The following RBFOX1 variants were observed in gnomAD, a reference collection of about 807,000 sequenced individuals.
The protein encoded by RBFOX1 is RNA binding fox-1 homolog 1.
Under a neutral mutation model 57.7 loss-of-function variants are expected in RBFOX1, and 8 were observed. That is an observed-to-expected ratio of 0.14 (90% CI 0.08 to 0.25). The LOEUF (loss-of-function observed/expected upper bound fraction) is 0.25, where lower values mean the gene tolerates loss of function less well. Ranked by LOEUF, RBFOX1 falls within the 10% of genes least tolerant of loss-of-function variation. The pLI is 1.00. For missense variants in RBFOX1, 611 were observed against 548.5 expected, an observed-to-expected ratio of 1.11 and a Z score of -1.14; for synonymous variants, 326 against 222.4, an observed-to-expected ratio of 1.47 and a Z score of -4.15.
chr16:6,904,979 C>A (rs996030087), intron 3 of RBFOX1, among the ~76,000 whole-genome samples: 1 of 152,144 alleles, frequency 6.6e-6, no homozygotes, highest in Non-Finnish European at 1.5e-5. Flanking sequence ...CCCTGGCAGC[C>A]AGTCTGTCAG....
chr16:7,698,914 A>G (rs1407036872), intron 14 of RBFOX1, among the ~76,000 whole-genome samples: 5 of 152,206 alleles, frequency 3.3e-5, no homozygotes, highest in African/African-American at 1.2e-4. Context: ...AAAGATGTCT[A>G]GATAGTCTGA....
chr16:5,500,532 C>G lies in RBFOX1; in HGVS notation c.258+33278C>G, dbSNP rs1385252768. Among the ~76,000 whole-genome samples the G allele has an allele frequency of 2.0e-5, 3 of 152,126 alleles. No individual in the cohort carries two copies. The East Asian group carries it at 5.8e-4, about 29-fold the overall frequency. On this transcript the variant is annotated intron_variant, in intron 2 of 2. Coordinates refer to the RBFOX1 transcript ENST00000585867. ...CCATCATGCCTGGCCGAGTATCAGG[C>G]TTTCAAATGTTTATATGCAGCTGCT...
At chr16:7,211,246 G>C (rs113832930) in intron 4 of RBFOX1, among the ~76,000 whole-genome samples, 2,096 of 151,868 alleles carry the variant, frequency 0.014, 41 homozygotes, top group African/African-American at 0.048. Context: ...AAAGAAATTA[G>C]CCAGGTGTGG....
intron 3 of RBFOX1, among the ~76,000 whole-genome samples, chr16:5,692,389 G>T (rs1238470556): frequency 6.6e-6 from 1 of 152,068 alleles, no homozygotes; most frequent in Non-Finnish European, 1.5e-5. Flanking sequence ...GCGGACCTCA[G>T]TCACACAGCT....
chr16:6,659,739 C>G (rs2098689359), intron 3 of RBFOX1, among the ~76,000 whole-genome samples: 1 of 152,146 alleles, frequency 6.6e-6, no homozygotes, highest in Non-Finnish European at 1.5e-5. Context: ...GAGGATTCTT[C>G]ACAGTGTTTA....
intron 4 of RBFOX1, among the ~76,000 whole-genome samples, chr16:7,475,384 G>A (rs1156514049): frequency 2.0e-5 from 3 of 150,132 alleles, no homozygotes; most frequent in East Asian, 2.0e-4. Context: ...GCGCGATCTC[G>A]GCTCACTGCA....
At position 6,009,816 on chromosome 16, in the gene RBFOX1, C is replaced by CTGTGTGTGTGTGTGTGTGTGTG. The variant is rs148472437; in HGVS notation, c.351+142500_351+142501insGTGTGTGTGTGTGTGTGTGTGT. On this transcript the variant is annotated intron_variant, in intron 4 of 19. Coordinates refer to the RBFOX1 transcript ENST00000641259. ...GCAGTGTGTGTATGTGTGTGTGTGT[C>CTGTGTGTGTGTGTGTGTGTGTG]TGTGTGTGTGTGTGTGTGTATAGGG... is the stretch of plus-strand genomic sequence containing the variant. 4.4e-3 allele frequency among the ~76,000 whole-genome samples: 647 copies of CTGTGTGTGTGTGTGTGTGTGTG among 148,512 alleles called. 15 individuals carry two copies. Among genetic ancestry groups the CTGTGTGTGTGTGTGTGTGTGTG allele is most frequent in the African/African-American group, 0.013 (534 of 39,872 alleles).
intron 4 of RBFOX1, among the ~76,000 whole-genome samples, chr16:7,217,677 G>A (rs1344916666): frequency 6.6e-6 from 1 of 152,124 alleles, no homozygotes; most frequent in African/African-American, 2.4e-5. Flanking sequence ...AATCATAGGG[G>A]GAAGGATTTT....
intron 1 of RBFOX1, among the ~76,000 whole-genome samples, chr16:5,378,705 C>T (rs1033354676): frequency 5.3e-5 from 8 of 151,530 alleles, no homozygotes; most frequent in South Asian, 2.1e-4. Context: ...CCGATGGACT[C>T]GGATATTCCC....
intron 4 of RBFOX1, among the ~76,000 whole-genome samples, chr16:7,124,145 A>C (rs1465903271): frequency 6.6e-6 from 1 of 152,220 alleles, no homozygotes; most frequent in Non-Finnish European, 1.5e-5. Flanking sequence ...TGTACATAAA[A>C]TAAAAGCTGG....
chr16:6,550,790 G>C (rs2096976052), intron 2 of RBFOX1, among the ~76,000 whole-genome samples: 2 of 152,208 alleles, frequency 1.3e-5, no homozygotes, highest in Non-Finnish European at 2.9e-5. Context: ...TTGAGAAACA[G>C]AGTACTGTTT....
intron 2 of RBFOX1, among the ~76,000 whole-genome samples, chr16:6,562,039 G>A (rs1382709660): frequency 6.6e-6 from 1 of 152,164 alleles, no homozygotes; most frequent in Non-Finnish European, 1.5e-5. Context: ...AAGGCATGGA[G>A]TTTTCAGCGG....
chr16:6,089,598 A>AAT (rs2096141132), intron 1 of RBFOX1, among the ~76,000 whole-genome samples: 1 of 152,194 alleles, frequency 6.6e-6, no homozygotes, highest in Admixed American at 6.5e-5. Context: ...TTTGAATGCA[A>AAT]ATATTGCTGG....
chr16:5,707,125 C>T (rs750434502), intron 3 of RBFOX1, among the ~76,000 whole-genome samples: 5 of 152,176 alleles, frequency 3.3e-5, no homozygotes, highest in Non-Finnish European at 5.9e-5. Flanking sequence ...TTTCACGACT[C>T]TCCCATTCCC....
chr16:7,110,186 T>TC (rs1555482399), intron 4 of RBFOX1, among the ~76,000 whole-genome samples: 3 of 36,036 alleles, frequency 8.3e-5, no homozygotes, highest in African/African-American at 2.0e-4. Context: ...CCCCCGTGTC[T>TC]CAAAAAAAAA....
At chr16:7,069,832 C>T (rs1016887558) in intron 4 of RBFOX1, among the ~76,000 whole-genome samples, 4 of 152,152 alleles carry the variant, frequency 2.6e-5, no homozygotes, top group African/African-American at 7.2e-5. Context: ...GTCTCAATTT[C>T]CATTCCCCAT....
intron 4 of RBFOX1, among the ~76,000 whole-genome samples, chr16:5,983,915 T>TCCTCCTCCTCCCCCTCCCCCTCCC (rs2060225696): frequency 8.1e-6 from 1 of 123,574 alleles, no homozygotes. Context: ...CTCCTCCTCT[T>TCCTCCTCCTCCCCCTCCCCCTCCC]CCTCCTCCTC....
intron 4 of RBFOX1, among the ~76,000 whole-genome samples, chr16:7,251,559 T>G (rs1208747118): frequency 6.6e-6 from 1 of 151,842 alleles, no homozygotes; most frequent in African/African-American, 2.4e-5. Context: ...TACACGTGTC[T>G]CCCCTCGCCG....
At chr16:6,904,893 A>G (rs1448828423) in intron 3 of RBFOX1, among the ~76,000 whole-genome samples, 1 of 152,128 alleles carries the variant, frequency 6.6e-6, no homozygotes, top group Non-Finnish European at 1.5e-5. Context: ...TTTTCTACAA[A>G]TTCCCCTGTT....
Sources: allele counts gnomAD v4.1 joint callset (sites outside exome capture counted in the v4.1 genomes callset), GRCh38; gene constraint gnomAD v4.1.1; transcripts MANE v1.5; gene names NCBI Gene and HGNC (gene_info 2026-07-23, HGNC 2026-07-21).